Variants in HECW1 observed in about 807,000 individuals in gnomAD.
The protein encoded by HECW1 is HECT, C2 and WW domain containing E3 ubiquitin protein ligase 1.
HECW1 carries 61 observed loss-of-function variants against 182.3 expected under a neutral mutation model. The ratio of observed to expected loss-of-function variants is 0.33; its 90% CI spans 0.27 to 0.41. HECW1 has a LOEUF of 0.41. HECW1 is among the 10% of genes least tolerant of loss of function. The pLI is 1.00. For missense variants in HECW1, 1,739 were observed against 2,108.9 expected (o/e 0.82, Z 3.44); for synonymous variants, 859 against 832.6 (o/e 1.03, Z -0.55).
chr7:43,525,995 TATC>T (rs776543936), intron 24 of HECW1, among the ~76,000 whole-genome samples: 2 of 152,258 alleles, frequency 1.3e-5, no homozygotes, highest in African/African-American at 2.4e-5. Context: ...TAAAGAAAAA[TATC>T]ATCAGTAGGT....
Position 43,230,163 on chromosome 7 carries a change from C to T in HECW1, c.-31-13712C>T, listed in dbSNP as rs564016598. ...ATCCCAGCACTTGGGGAGACCGAGG[C>T]GGGAGGATTGCTTGAGGTCAGGAGT... On this transcript the variant is annotated intron_variant, in intron 2 of 29. Coordinates refer to ENST00000395891, the MANE Select transcript of HECW1 (RefSeq NM_015052.5). Among the ~76,000 whole-genome samples, 8 of 152,280 alleles carry T rather than the reference C, an allele frequency of 5.3e-5. No homozygotes were observed. In the South Asian group the frequency reaches 1.7e-3, roughly 32 times the overall value.
rs906767913 is a variant in HECW1, at chr7:43,311,909, C to T, written c.174C>T (p.His58=). The T allele has an allele frequency of 6.2e-7, 1 of 1,614,106 alleles. No individual in the cohort carries two copies. The highest frequency in any genetic ancestry group is 1.3e-5 in the African/African-American group (1 of 74,948). The change falls in exon 4 of 30, where the codon CAC becomes CAT. Residue 58 remains histidine (H), a synonymous_variant. Transcript: ENST00000395891. ...ACATGGACCTCAGGGGCGGCCCCCA[C>T]GATGGCGTCACCATTCCCCGCTCCA... ...FHNMDLRGGP[H]DGVTIPRSTS...
chr7:43,224,748 G>A (rs1432862500), intron 2 of HECW1, among the ~76,000 whole-genome samples: 1 of 152,230 alleles, frequency 6.6e-6, no homozygotes, highest in African/African-American at 2.4e-5. Context: ...CCAGGAGGTT[G>A]AGGCTGCAGT....
intron 5 of HECW1, among the ~76,000 whole-genome samples, chr7:43,345,721 T>G (rs1438036438): frequency 6.6e-6 from 1 of 152,068 alleles, no homozygotes; most frequent in Non-Finnish European, 1.5e-5. Context: ...CTTAGAATAA[T>G]AGTCTCCAGC....
chr7:43,342,934 G>A (rs924505428), intron 5 of HECW1, among the ~76,000 whole-genome samples: 7 of 151,608 alleles, frequency 4.6e-5, no homozygotes, highest in Non-Finnish European at 7.3e-5. Flanking sequence ...GCTGAGGCAG[G>A]AGAATGGCAT....
intron 8 of HECW1, among the ~76,000 whole-genome samples, chr7:43,417,921 A>G (rs751286001): frequency 9.9e-5 from 15 of 152,172 alleles, no homozygotes; most frequent in Non-Finnish European, 2.2e-4. Context: ...AAGTCCCACA[A>G]ATTGAGTGGC....
intron 6 of HECW1, among the ~76,000 whole-genome samples, chr7:43,365,354 G>A (rs78038512): frequency 0.014 from 2,077 of 152,304 alleles, 46 homozygotes; most frequent in African/African-American, 0.046. Flanking sequence ...CTGGGACTGC[G>A]GCCTCCAGAT....
rs936765755 is a variant in HECW1, at chr7:43,247,887, A to G, written c.27+3955A>G. On this transcript the variant is annotated intron_variant, in intron 3 of 29. Coordinates refer to ENST00000395891, the MANE Select transcript of HECW1 (RefSeq NM_015052.5). The stretch of plus-strand genomic sequence containing the variant: ...AAAGAAGAAAGCAAGCAAGAAAGGG[A>G]GGGAGAGAGGAAGGAAGGAAGGAGG... Among the ~76,000 whole-genome samples the G allele has an allele frequency of 4.2e-5, 6 of 141,366 alleles. No homozygotes were observed. In the East Asian group the frequency reaches 1.3e-3, roughly 31 times the overall value. 92.7% of individuals were successfully genotyped at this position (141,366 alleles called of 152,430 possible). A position where few individuals can be genotyped will look rare whatever the true frequency, so the allele number is the denominator to read the frequency against.
chr7:43,128,185 T>A (rs1352021807), intron 2 of HECW1, among the ~76,000 whole-genome samples: 1 of 152,130 alleles, frequency 6.6e-6, no homozygotes, highest in African/African-American at 2.4e-5. Context: ...TGGCCAAAAA[T>A]AGATTTTCAA....
intron 2 of HECW1, among the ~76,000 whole-genome samples, chr7:43,194,882 C>G (rs1794292273): frequency 6.6e-6 from 1 of 152,070 alleles, no homozygotes; most frequent in Non-Finnish European, 1.5e-5. Flanking sequence ...TTAGTAGAGA[C>G]AGGGTTTCAC....
chr7:43,519,671 A>G (rs2152937275), intron 24 of HECW1, among the ~76,000 whole-genome samples: 1 of 152,194 alleles, frequency 6.6e-6, no homozygotes, highest in East Asian at 1.9e-4. Flanking sequence ...GAATGGTTAA[A>G]TGTATTACAG....
At chr7:43,242,297 A>T (rs761255212) in intron 2 of HECW1, among the ~76,000 whole-genome samples, 5 of 152,110 alleles carry the variant, frequency 3.3e-5, no homozygotes, top group African/African-American at 1.2e-4. Context: ...GTTGAGTGGG[A>T]GAGGGAGGTT....
intron 12 of HECW1, among the ~76,000 whole-genome samples, chr7:43,455,482 C>T (rs2077370354): frequency 6.6e-6 from 1 of 152,238 alleles, no homozygotes; most frequent in African/African-American, 2.4e-5. Context: ...CCATTCTTCT[C>T]TCCACTGAAC....
Position 43,269,923 on chromosome 7 carries a change from G to T in HECW1, c.27+25991G>T, listed in dbSNP as rs76707085. Among the ~76,000 whole-genome samples the T allele has an allele frequency of 9.5e-3, 1,451 of 152,270 alleles. 29 individuals are homozygous for T. The highest frequency in any genetic ancestry group is 0.033 in the African/African-American group (1,369 of 41,550). On this transcript the variant is annotated intron_variant, in intron 3 of 29. Transcript: ENST00000395891. ...TGCATGGGACAACCGCCATAACAAA[G>T]AATTATCTGGCTCAAAATGTAAAAC... is the stretch of plus-strand genomic sequence containing the variant.
At chr7:43,133,636 C>T (rs989884885) in intron 2 of HECW1, among the ~76,000 whole-genome samples, 1 of 151,876 alleles carries the variant, frequency 6.6e-6, no homozygotes, top group Non-Finnish European at 1.5e-5. Flanking sequence ...TCTGTTCCTT[C>T]CTTACTCTGT....
At chr7:43,479,780 G>A in intron 17 of HECW1, 36 bp downstream of exon 17, 1 of 1,612,106 alleles carries the variant, frequency 6.2e-7, no homozygotes, top group Middle Eastern at 1.7e-4. Context: ...CTGTTCACCG[G>A]TCACAGTCTC....
rs559371982 is a variant in HECW1 at position 43,113,921 on chromosome 7, A to G, written c.-266-236A>G. 1.9e-5 allele frequency: 5 copies of G among 269,090 alleles called. No homozygotes were observed. In the South Asian group the frequency reaches 4.6e-4, roughly 25 times the overall value. The allele number at this position is 269,090 out of a possible 1,614,324, so 16.7% of individuals were successfully genotyped here. On this transcript the variant is annotated intron_variant, in intron 1 of 29. Coordinates refer to ENST00000395891, the MANE Select transcript of HECW1 (RefSeq NM_015052.5). ...GGGCACCATAACTTCTTCCCTGCCGAATTTCAGCGCGTAGGGGGAGCTGGC... is the reference window on the plus strand; with the variant it reads ...GGGCACCATAACTTCTTCCCTGCCGGATTTCAGCGCGTAGGGGGAGCTGGC...
intron 2 of HECW1, among the ~76,000 whole-genome samples, chr7:43,135,859 TTTAAG>T (rs1250258101): frequency 2.0e-5 from 3 of 152,202 alleles, no homozygotes; most frequent in Admixed American, 2.0e-4. Flanking sequence ...GATTTCTGAA[TTTAAG>T]TTTTTTCTAA....
chr7:43,467,247 C>A (rs75250832), intron 15 of HECW1, among the ~76,000 whole-genome samples: 5,850 of 152,094 alleles, frequency 0.038, 398 homozygotes, highest in African/African-American at 0.13. Context: ...AGGACCAGGC[C>A]GAACTGAGGG....
Sources: gnomAD v4.1 joint callset for allele counts (sites outside exome capture counted in the v4.1 genomes callset) on GRCh38, gnomAD v4.1.1 for gene constraint, MANE v1.5 for transcripts, NCBI Gene and HGNC (gene_info 2026-07-23, HGNC 2026-07-21) for gene names.